DLG2: variants seen among roughly 807,000 people sequenced by gnomAD.
The protein encoded by DLG2 is disks large homolog 2.
In DLG2, 45 loss-of-function variants were observed where a neutral mutation model predicts 132.5. The ratio of observed to expected loss-of-function variants is 0.34; its 90% CI spans 0.27 to 0.44. The LOEUF (loss-of-function observed/expected upper bound fraction) is 0.44, where lower values mean the gene tolerates loss of function less well. Among genes scored for constraint, DLG2 ranks in the 20% least tolerant of loss-of-function variants. The probability of loss-of-function intolerance (pLI) is 1.00; values close to 1 mark genes in which losing one functional copy is unlikely to be tolerated. For missense variants in DLG2, 1,045 were observed against 1,196.9 expected, an observed-to-expected ratio of 0.87 and a Z score of 1.87; for synonymous variants, 424 against 419.6, an observed-to-expected ratio of 1.01 and a Z score of -0.13.
At chr11:83,708,721 T>C (rs1481090222) in intron 18 of DLG2, among the ~76,000 whole-genome samples, 1 of 152,196 alleles carries the variant, frequency 6.6e-6, no homozygotes, top group Non-Finnish European at 1.5e-5. Context: ...ACAATTTACA[T>C]TTAGATTCTG....
chr11:83,527,967 C>T lies in DLG2; in HGVS notation c.2193+4741G>A, dbSNP rs142427752. On this transcript the variant is annotated intron_variant, in intron 21 of 27. Transcript: ENST00000376104. ...ATTGATTTAAAAAAAGGTAGAAGGACAATAAAAGAAATTAAGGGGTGCTTA... is the reference window on the plus strand; with the variant it reads ...ATTGATTTAAAAAAAGGTAGAAGGATAATAAAAGAAATTAAGGGGTGCTTA... Among the ~76,000 whole-genome samples the T allele has an allele frequency of 5.7e-3, 860 of 152,140 alleles. 5 individuals are homozygous for T. The highest frequency in any genetic ancestry group is 9.8e-3 in the Non-Finnish European group (669 of 68,000).
intron 8 of DLG2, among the ~76,000 whole-genome samples, chr11:84,201,274 C>T (rs762344103): frequency 6.3e-4 from 96 of 152,272 alleles, no homozygotes; most frequent in Admixed American, 1.5e-3. Context: ...TTGAACCAAT[C>T]TTTTACCCCA....
intron 7 of DLG2, among the ~76,000 whole-genome samples, chr11:84,521,277 C>T (rs1242847712): frequency 6.6e-6 from 1 of 152,054 alleles, no homozygotes; most frequent in East Asian, 1.9e-4. Context: ...CAATAACATC[C>T]CCTAGAAATT....
intron 3 of DLG2, among the ~76,000 whole-genome samples, chr11:85,413,735 C>G (rs2089556817): frequency 1.3e-5 from 2 of 151,932 alleles, no homozygotes; most frequent in Admixed American, 6.6e-5. Flanking sequence ...TTTCTGGGTT[C>G]TGTATTCTAT....
intron 17 of DLG2, among the ~76,000 whole-genome samples, chr11:83,794,855 G>T (rs1476499679): frequency 6.6e-6 from 1 of 152,018 alleles, no homozygotes; most frequent in Non-Finnish European, 1.5e-5. Context: ...TAATTCCGAG[G>T]GTCTACGCCT....
At chr11:85,231,706 T>TTA (rs1565191409) in intron 4 of DLG2, among the ~76,000 whole-genome samples, 2 of 151,918 alleles carry the variant, frequency 1.3e-5, no homozygotes. Flanking sequence ...TATCAAGACT[T>TTA]CTTTAAAGAC....
intron 4 of DLG2, among the ~76,000 whole-genome samples, chr11:85,166,075 C>T (rs1487885315): frequency 6.6e-6 from 1 of 152,112 alleles, no homozygotes; most frequent in Non-Finnish European, 1.5e-5. Context: ...TTCTATACTC[C>T]TCATTATCTT....
At chr11:84,155,278 A>C (rs1169798167) in intron 9 of DLG2, among the ~76,000 whole-genome samples, 1 of 152,078 alleles carries the variant, frequency 6.6e-6, no homozygotes, top group African/African-American at 2.4e-5. Context: ...AGGGCCAGGA[A>C]CTGGCCCTGG....
intron 6 of DLG2, among the ~76,000 whole-genome samples, chr11:84,575,871 T>C (rs888102770): frequency 2.0e-5 from 3 of 152,210 alleles, no homozygotes; most frequent in African/African-American, 4.8e-5. Context: ...TTCTCAACTC[T>C]AGCTAAAGAG....
chr11:85,582,820 T>C (rs950698053), intron 3 of DLG2, among the ~76,000 whole-genome samples: 2 of 150,322 alleles, frequency 1.3e-5, no homozygotes, highest in Non-Finnish European at 3.0e-5. Context: ...GTATAATTTG[T>C]TTCTGTGTGT....
At chr11:84,081,211 CA>C (rs1488060802) in intron 10 of DLG2, among the ~76,000 whole-genome samples, 2 of 151,946 alleles carry the variant, frequency 1.3e-5, no homozygotes, top group Non-Finnish European at 2.9e-5. Context: ...TTTGCATAAT[CA>C]AAAATGATTT....
chr11:85,429,084 C>A (rs1232322642), intron 3 of DLG2, among the ~76,000 whole-genome samples: 1 of 152,010 alleles, frequency 6.6e-6, no homozygotes, highest in Admixed American at 6.6e-5. Flanking sequence ...CTAGGAAGAA[C>A]TTGAATCTCT....
At chr11:84,768,607 G>C (rs1400119953) in intron 6 of DLG2, among the ~76,000 whole-genome samples, 1 of 152,142 alleles carries the variant, frequency 6.6e-6, no homozygotes, top group East Asian at 1.9e-4. Context: ...CCTACATGCA[G>C]TGCTAGGTGG....
intron 7 of DLG2, among the ~76,000 whole-genome samples, chr11:84,387,631 C>G (rs1601205760): frequency 6.6e-6 from 1 of 152,160 alleles, no homozygotes; most frequent in East Asian, 1.9e-4. Flanking sequence ...AAGAAGTGTA[C>G]AGTACCCAAA....
rs560425434 is a variant in DLG2, at chr11:83,542,220, A to G, written c.1941-362T>C. Among the ~76,000 whole-genome samples the G allele has an allele frequency of 9.9e-4, 150 of 152,006 alleles. 1 individual carries two copies. Among genetic ancestry groups the G allele is most frequent in the South Asian group, 9.1e-3 (44 of 4,824 alleles). The stretch of plus-strand genomic sequence containing the variant: ...AATCAAATTTTTAAAATTACTAAAA[A>G]AAGTAAAATAATAAAGAGAAACATG... On this transcript the variant is annotated intron_variant, in intron 19 of 27. Transcript: ENST00000376104.
chr11:84,484,705 A>G (rs903238388), intron 7 of DLG2, among the ~76,000 whole-genome samples: 1 of 152,124 alleles, frequency 6.6e-6, no homozygotes, highest in African/African-American at 2.4e-5. Context: ...GAGTTTTTGA[A>G]CTTGCAAAAT....
chr11:85,413,669 C>A (rs1336068869), intron 3 of DLG2, among the ~76,000 whole-genome samples: 1 of 151,984 alleles, frequency 6.6e-6, no homozygotes, highest in African/African-American at 2.4e-5. Context: ...GTGTCCTTTC[C>A]ACACTTTATG....
At chr11:84,352,574 G>A (rs1247714899) in intron 7 of DLG2, among the ~76,000 whole-genome samples, 1 of 152,204 alleles carries the variant, frequency 6.6e-6, no homozygotes, top group East Asian at 1.9e-4. Context: ...ATTCCTGCGG[G>A]AGATTTGTGG....
At chr11:85,170,724 G>C (rs1214974450) in intron 4 of DLG2, among the ~76,000 whole-genome samples, 2 of 152,152 alleles carry the variant, frequency 1.3e-5, no homozygotes, top group Non-Finnish European at 2.9e-5. Flanking sequence ...AAGAAAGGCA[G>C]GTTTGAGAAA....
Sources: allele counts gnomAD v4.1 joint callset (sites outside exome capture counted in the v4.1 genomes callset), GRCh38; gene constraint gnomAD v4.1.1; transcripts MANE v1.5; gene names NCBI Gene and HGNC (gene_info 2026-07-23, HGNC 2026-07-21).